Variants in ZNF280D observed in about 807,000 individuals in gnomAD.
The protein encoded by ZNF280D is zinc finger protein 280D, also known as suppressor of hairy wing homolog 4.
Under a neutral mutation model 94.7 loss-of-function variants are expected in ZNF280D, and 39 were observed. That is an observed-to-expected ratio of 0.41 (90% CI 0.32 to 0.54). The LOEUF (loss-of-function observed/expected upper bound fraction) is 0.54. Ranked by LOEUF, ZNF280D falls within the 20% of genes least tolerant of loss-of-function variation. The probability of loss-of-function intolerance (pLI) is 0.22; values close to 1 mark genes in which losing one functional copy is unlikely to be tolerated. For missense variants in ZNF280D, 1,090 were observed against 1,149.3 expected, an observed-to-expected ratio of 0.95 and a Z score of 0.75; for synonymous variants, 398 against 377.6, an observed-to-expected ratio of 1.05 and a Z score of -0.63.
chr15:56,707,433 T>C lies in ZNF280D; in HGVS notation c.-85-127A>G, dbSNP rs2057475651. 9 of 689,636 alleles carry C rather than the reference T, an allele frequency of 1.3e-5. No homozygotes were observed. In the South Asian group the frequency reaches 1.8e-4, roughly 13 times the overall value. 42.7% of individuals were successfully genotyped at this position (689,636 alleles called of 1,614,324 possible). On this transcript the variant is annotated intron_variant, in intron 1 of 21. Coordinates refer to ENST00000267807, the MANE Select transcript of ZNF280D (RefSeq NM_017661.4). The stretch of plus-strand genomic sequence containing the variant: ...TCTGATATACACATATAGTTCATTT[T>C]ACATAATTGGTTCATTCCTGAATAA...
intron 19 of ZNF280D, among the ~76,000 whole-genome samples, chr15:56,648,471 A>G (rs1334825809): frequency 2.0e-5 from 3 of 151,810 alleles, no homozygotes; most frequent in African/African-American, 7.3e-5. Flanking sequence ...GCCAATCACA[A>G]ACAAGGCAGG....
chr15:56,641,578 A>C (rs1435160583), intron 20 of ZNF280D, among the ~76,000 whole-genome samples: 2 of 151,764 alleles, frequency 1.3e-5, no homozygotes, highest in African/African-American at 4.8e-5. Flanking sequence ...GAATTCCCCT[A>C]CCCCTAAACT....
At chr15:56,679,283 G>A (rs750632354) in intron 10 of ZNF280D, among the ~76,000 whole-genome samples, 1 of 152,124 alleles carries the variant, frequency 6.6e-6, no homozygotes, top group African/African-American at 2.4e-5. Flanking sequence ...AGAGTCAGGA[G>A]GAAATCTTTT....
intron 6 of ZNF280D, chr15:56,698,583 T>C (rs564633281): frequency 6.6e-6 from 1 of 152,300 alleles, no homozygotes; most frequent in Admixed American, 6.5e-5. Context: ...CAGGTCCTGG[T>C]ATTCAGGTCC....
chr15:56,722,971 C>A (rs1197195732), intron 1 of ZNF280D, among the ~76,000 whole-genome samples: 18 of 151,418 alleles, frequency 1.2e-4, no homozygotes, highest in South Asian at 8.3e-4. Context: ...AGTAAACTAT[C>A]GCAAGAACAG....
At chr15:56,662,277 C>A (rs982398605) in intron 16 of ZNF280D, among the ~76,000 whole-genome samples, 1 of 151,428 alleles carries the variant, frequency 6.6e-6, no homozygotes, top group African/African-American at 2.4e-5. Context: ...AAGAACTGAA[C>A]CTAAAAAATG....
chr15:56,669,108 ATT>A, intron 13 of ZNF280D, 151 bp from the exon 14 acceptor site: 1 of 698,960 alleles, frequency 1.4e-6, no homozygotes, highest in Non-Finnish European at 2.3e-6. Flanking sequence ...AAAATGCCTC[ATT>A]TTTTAAAAGT....
At chr15:56,700,222 T>C in intron 6 of ZNF280D, 1 of 954,156 alleles carries the variant, frequency 1.0e-6, no homozygotes. Context: ...TGCATATACA[T>C]ATAAACTATG....
At chr15:56,725,224 C>A (rs1375304067) in intron 1 of ZNF280D, among the ~76,000 whole-genome samples, 2 of 151,722 alleles carry the variant, frequency 1.3e-5, no homozygotes, top group African/African-American at 4.8e-5. Context: ...AAATGCGTAT[C>A]AACTCAAAGG....
rs548400503 is a variant in ZNF280D, at chr15:56,729,311, A to G, written c.-86+4147T>C. ...ACTTGGCTGAATATCACACAGCATCAAACTCTCCTTAGTTGGCACTGTTAG... is the reference window on the plus strand; with the variant it reads ...ACTTGGCTGAATATCACACAGCATCGAACTCTCCTTAGTTGGCACTGTTAG... On this transcript the variant is annotated intron_variant, in intron 1 of 21. Transcript: ENST00000267807. Among the ~76,000 whole-genome samples the G allele has an allele frequency of 2.8e-4, 43 of 152,322 alleles. No individual in the cohort carries two copies. The South Asian group carries it at 8.1e-3, about 29-fold the overall frequency.
chr15:56,661,590 T>G lies in ZNF280D; in HGVS notation c.1995-3104A>C, dbSNP rs574498636. 1.1e-3 allele frequency among the ~76,000 whole-genome samples: 164 copies of G among 152,340 alleles called. 1 individual carries two copies. The highest frequency in any genetic ancestry group is 2.1e-3 in the Non-Finnish European group (142 of 68,028). On this transcript the variant is annotated intron_variant, in intron 16 of 21. Coordinates refer to ENST00000267807, the MANE Select transcript of ZNF280D (RefSeq NM_017661.4). ...TTTTTATACTAGCTTTCTTTTTCCTTGGAAATTTTAAAAATCATCCCTCAA... is the reference window on the plus strand; with the variant it reads ...TTTTTATACTAGCTTTCTTTTTCCTGGGAAATTTTAAAAATCATCCCTCAA...
In ZNF280D at chr15:56,687,705, A is replaced by T. The variant is rs1444878391; in HGVS notation, c.780+1336T>A. ...TAATGCAAAACACAAAAAACATCAG[A>T]AATCTCATCAAAACATTACACAGAA... On this transcript the variant is annotated intron_variant, in intron 9 of 21. Transcript: ENST00000267807. 2.6e-5 allele frequency among the ~76,000 whole-genome samples: 4 copies of T among 152,264 alleles called. No individual in the cohort carries two copies. In the East Asian group the frequency reaches 7.7e-4, roughly 29 times the overall value.
chr15:56,732,044 A>G (rs1347856222), intron 1 of ZNF280D, among the ~76,000 whole-genome samples: 1 of 152,192 alleles, frequency 6.6e-6, no homozygotes, highest in African/African-American at 2.4e-5. Flanking sequence ...CAACTGAGTA[A>G]TGTTTCTTAA....
At chr15:56,637,497 G>A (rs2052410434) in intron 20 of ZNF280D, among the ~76,000 whole-genome samples, 1 of 151,880 alleles carries the variant, frequency 6.6e-6, no homozygotes, top group Non-Finnish European at 1.5e-5. Context: ...TAATGATGTT[G>A]AGACCATCCT....
chr15:56,640,133 A>C (rs2052557311), intron 20 of ZNF280D, among the ~76,000 whole-genome samples: 1 of 152,156 alleles, frequency 6.6e-6, no homozygotes, highest in African/African-American at 2.4e-5. Context: ...AGAAAAGGAA[A>C]AGAAATCATG....
intron 21 of ZNF280D, among the ~76,000 whole-genome samples, chr15:56,632,694 C>T (rs1268325880): frequency 6.6e-6 from 1 of 151,400 alleles, no homozygotes; most frequent in Admixed American, 6.6e-5. Context: ...CAAGGTTTTG[C>T]CATGTTGCCC....
intron 4 of ZNF280D, 56 bp from the exon 5 acceptor site, chr15:56,701,294 G>C: frequency 2.5e-6 from 3 of 1,176,686 alleles, no homozygotes; most frequent in Non-Finnish European, 3.6e-6. Flanking sequence ...TACATATTAA[G>C]ATAATAGAAA....
chr15:56,679,399 CTACAAT>C (rs1253851374), intron 10 of ZNF280D, among the ~76,000 whole-genome samples: 9 of 152,102 alleles, frequency 5.9e-5, no homozygotes, highest in African/African-American at 2.2e-4. Flanking sequence ...GTTTTGATGC[CTACAAT>C]TACAAGAACC....
At chr15:56,672,937 G>T (rs2054967329) in intron 13 of ZNF280D, among the ~76,000 whole-genome samples, 1 of 151,634 alleles carries the variant, frequency 6.6e-6, no homozygotes, top group African/African-American at 2.4e-5. Flanking sequence ...GACCTCCTAG[G>T]CTCTTAAGAC....
Sources: gnomAD v4.1 joint callset for allele counts (sites outside exome capture counted in the v4.1 genomes callset) on GRCh38, gnomAD v4.1.1 for gene constraint, MANE v1.5 for transcripts, NCBI Gene and HGNC (gene_info 2026-07-23, HGNC 2026-07-21) for gene names.